The following PIK3CB variants were observed in gnomAD, a reference collection of about 807,000 sequenced individuals.
PIK3CB encodes phosphatidylinositol-4,5-bisphosphate 3-kinase catalytic subunit beta.
A neutral mutation model predicts 136.8 loss-of-function variants in PIK3CB; 39 were observed. That is an observed-to-expected ratio of 0.29 (90% CI 0.22 to 0.37). PIK3CB has a LOEUF of 0.37. PIK3CB is among the 10% of genes least tolerant of loss of function. PIK3CB has a pLI of 1.00. For missense variants in PIK3CB, 868 were observed against 1,275.4 expected, an observed-to-expected ratio of 0.68 and a Z score of 4.87; for synonymous variants, 428 against 436.6, an observed-to-expected ratio of 0.98 and a Z score of 0.25.
At chr3:138,778,734 T>C (rs145819583) in intron 2 of PIK3CB, 69 of 259,860 alleles carry the variant, frequency 2.7e-4, no homozygotes, top group African/African-American at 1.5e-3. Flanking sequence ...GACTACTTTG[T>C]CAAGCTCATT....
At chr3:138,822,428 T>C (rs991954679) in intron 1 of PIK3CB, among the ~76,000 whole-genome samples, 3 of 151,580 alleles carry the variant, frequency 2.0e-5, no homozygotes, top group Non-Finnish European at 4.4e-5. Context: ...GCACCTGTAG[T>C]TCCAGCTTCT....
intron 4 of PIK3CB, among the ~76,000 whole-genome samples, chr3:138,744,544 T>C (rs1206534777): frequency 6.7e-6 from 1 of 149,864 alleles, no homozygotes; most frequent in East Asian, 2.0e-4. Flanking sequence ...GTGAAGGAGG[T>C]ACAAGGGGAG....
intron 3 of PIK3CB, among the ~76,000 whole-genome samples, chr3:138,757,169 GC>G (rs1035798061): frequency 4.6e-5 from 7 of 152,110 alleles, no homozygotes; most frequent in African/African-American, 1.7e-4. Flanking sequence ...ACTTTGGGAG[GC>G]CATGGTGGGC....
intron 1 of PIK3CB, among the ~76,000 whole-genome samples, chr3:138,833,420 C>T (rs546405406): frequency 1.7e-4 from 26 of 152,230 alleles, no homozygotes; most frequent in African/African-American, 5.8e-4. Context: ...GGGTTAAGAT[C>T]CTTATCTGAC....
Position 138,812,465 on chromosome 3 carries a change from G to C in PIK3CB, c.-121-15898C>G, listed in dbSNP as rs182847169. Among the ~76,000 whole-genome samples, 36 of 151,656 alleles carry C rather than the reference G, an allele frequency of 2.4e-4. No individual in the cohort carries two copies. In the East Asian group the frequency reaches 4.9e-3, roughly 20 times the overall value. ...TTGGTCAAACTGGTCTTGAACTCCT[G>C]ATCTCGTGATCCGCCCACCTCAGCC... On this transcript the variant is annotated intron_variant, in intron 1 of 23. Coordinates refer to ENST00000674063, the MANE Select transcript of PIK3CB (RefSeq NM_006219.3).
chr3:138,658,362 A>G (rs1348213015), intron 21 of PIK3CB, among the ~76,000 whole-genome samples: 1 of 152,016 alleles, frequency 6.6e-6, no homozygotes, highest in Non-Finnish European at 1.5e-5. Flanking sequence ...AGGTGGGGGA[A>G]TTGCTTGAGC....
chr3:138,659,590 C>T (rs1262638933), intron 21 of PIK3CB, among the ~76,000 whole-genome samples: 2 of 151,928 alleles, frequency 1.3e-5, no homozygotes, highest in Admixed American at 6.6e-5. Context: ...TGAAGGCTAA[C>T]GTGCACTGTC....
At chr3:138,717,923 T>A (rs1005565640) in intron 8 of PIK3CB, among the ~76,000 whole-genome samples, 6 of 152,236 alleles carry the variant, frequency 3.9e-5, no homozygotes, top group African/African-American at 1.4e-4. Flanking sequence ...ATTTTCTTTA[T>A]CCAATCTGTC....
At chr3:138,704,667 A>G (rs2044326134) in intron 11 of PIK3CB, among the ~76,000 whole-genome samples, 174 bp from the exon 12 acceptor site, 1 of 152,196 alleles carries the variant, frequency 6.6e-6, no homozygotes, top group Non-Finnish European at 1.5e-5. Context: ...AACTCTTGAC[A>G]ACAGGGAAAT....
At chr3:138,675,582 C>T (rs1199022020) in intron 19 of PIK3CB, among the ~76,000 whole-genome samples, 1 of 152,024 alleles carries the variant, frequency 6.6e-6, no homozygotes, top group Non-Finnish European at 1.5e-5. Context: ...TCATCACTTA[C>T]AAGGATCTTA....
intron 8 of PIK3CB, among the ~76,000 whole-genome samples, chr3:138,722,586 A>AAAAAC (rs1176170569): frequency 1.3e-5 from 2 of 152,150 alleles, no homozygotes; most frequent in Admixed American, 6.6e-5. Flanking sequence ...GCTAGTATTT[A>AAAAAC]AAAACAAAAC....
At chr3:138,781,065 G>C (rs894664287) in intron 2 of PIK3CB, among the ~76,000 whole-genome samples, 1 of 152,152 alleles carries the variant, frequency 6.6e-6, no homozygotes, top group Admixed American at 6.5e-5. Flanking sequence ...CAAGGCAGGA[G>C]AATCGCTTCA....
intron 2 of PIK3CB, among the ~76,000 whole-genome samples, chr3:138,770,792 A>G (rs2045789678): frequency 1.3e-5 from 2 of 151,718 alleles, no homozygotes; most frequent in South Asian, 2.1e-4. Context: ...GCTCACTACA[A>G]CCTCCGGCTC....
At chr3:138,779,514 C>A (rs1386043029) in intron 2 of PIK3CB, among the ~76,000 whole-genome samples, 1 of 151,436 alleles carries the variant, frequency 6.6e-6, no homozygotes. Context: ...CATCAAGCCT[C>A]CCGAGTAGTT....
intron 3 of PIK3CB, among the ~76,000 whole-genome samples, chr3:138,758,185 T>C (rs1341213428): frequency 6.6e-6 from 1 of 152,132 alleles, no homozygotes; most frequent in East Asian, 1.9e-4. Flanking sequence ...ATGTTTCCAC[T>C]TATATAAAGT....
intron 8 of PIK3CB, among the ~76,000 whole-genome samples, chr3:138,716,042 T>C (rs1236465362): frequency 3.3e-5 from 5 of 152,128 alleles, no homozygotes; most frequent in African/African-American, 9.7e-5. Context: ...TTGTGTATAT[T>C]TGAAACTTTT....
rs2108374817 is a variant in PIK3CB at position 138,653,146 on chromosome 3, G to A, written c.*2243C>T. The A allele has an allele frequency of 5.5e-6, 1 of 182,136 alleles. No individual in the cohort carries two copies. The highest frequency in any genetic ancestry group is 2.1e-3 in the Middle Eastern group (1 of 480). 11.3% of individuals were successfully genotyped at this position (182,136 alleles called of 1,614,324 possible). A position where few individuals can be genotyped will look rare whatever the true frequency, so the allele number is the denominator to read the frequency against. ...CATATTTTGGAAAACTCAATATTCT[G>A]GAGATGTCAATTTGTCTCAACCTTG... On this transcript the variant is annotated 3_prime_UTR_variant, in exon 24 of 24. Coordinates refer to ENST00000674063, the MANE Select transcript of PIK3CB (RefSeq NM_006219.3).
intron 13 of PIK3CB, among the ~76,000 whole-genome samples, chr3:138,698,679 T>G (rs561055332): frequency 1.3e-5 from 2 of 152,336 alleles, no homozygotes; most frequent in Middle Eastern, 3.4e-3. Context: ...GATCAATGTT[T>G]CAATTGTATT....
intron 8 of PIK3CB, among the ~76,000 whole-genome samples, chr3:138,726,818 G>C (rs1559844224): frequency 6.6e-6 from 1 of 151,726 alleles, no homozygotes; most frequent in Non-Finnish European, 1.5e-5. Flanking sequence ...GAGGCAGAAG[G>C]ATCACTTGAG....
Sources: allele counts gnomAD v4.1 joint callset (sites outside exome capture counted in the v4.1 genomes callset), GRCh38; gene constraint gnomAD v4.1.1; transcripts MANE v1.5; gene names NCBI Gene and HGNC (gene_info 2026-07-23, HGNC 2026-07-21).